Variants in CFAP20DC observed in about 807,000 individuals in gnomAD.
CFAP20DC encodes CFAP20 domain containing.
Under a neutral mutation model 101.7 loss-of-function variants are expected in CFAP20DC, and 84 were observed. The ratio of observed to expected loss-of-function variants is 0.83; its 90% CI spans 0.69 to 0.99. The LOEUF (loss-of-function observed/expected upper bound fraction) is 0.99, where lower values mean the gene tolerates loss of function less well. CFAP20DC is among the 50% of genes least tolerant of loss of function. CFAP20DC has a pLI of 0.00. For synonymous variants in CFAP20DC, 359 were observed against 351.2 expected, an observed-to-expected ratio of 1.02 and a Z score of -0.25; for missense variants, 1,007 against 970.3, an observed-to-expected ratio of 1.04 and a Z score of -0.50.
At chr3:58,907,446 G>C (rs1045165142) in intron 6 of CFAP20DC, among the ~76,000 whole-genome samples, 2 of 152,152 alleles carry the variant, frequency 1.3e-5, no homozygotes, top group Non-Finnish European at 2.9e-5. Context: ...GCATCATCCC[G>C]GGGTCTGGTG....
intron 4 of CFAP20DC, among the ~76,000 whole-genome samples, chr3:58,938,952 T>G (rs1416340643): frequency 6.6e-6 from 1 of 152,180 alleles, no homozygotes; most frequent in African/African-American, 2.4e-5. Context: ...AATGCAGAAG[T>G]ATTAACACTA....
At position 58,861,124 on chromosome 3, in the gene CFAP20DC, T is replaced by G. The variant is rs2079213334; in HGVS notation, c.1593+2434A>C. Reference sequence around the variant, plus strand: ...AAAGCTAATTTTAATTAGCTTTTACTGTTGTATGGGTACTTGTCTTCTATC... The same window carrying G: ...AAAGCTAATTTTAATTAGCTTTTACGGTTGTATGGGTACTTGTCTTCTATC... On this transcript the variant is annotated intron_variant, in intron 12 of 16. Coordinates refer to ENST00000482387, the MANE Select transcript of CFAP20DC (RefSeq NM_001394063.1). The surrounding 1 kb of genome is among the most constrained non-coding windows in gnomAD (Gnocchi z 4.0). The G allele has an allele frequency of 6.4e-6, 1 of 155,482 alleles. No individual in the cohort carries two copies. The highest frequency in any genetic ancestry group is 1.4e-5 in the Non-Finnish European group (1 of 70,990). 9.6% of individuals were successfully genotyped at this position (155,482 alleles called of 1,614,324 possible).
intron 13 of CFAP20DC, among the ~76,000 whole-genome samples, chr3:58,842,390 A>G (rs1233465858): frequency 1.3e-5 from 2 of 152,120 alleles, no homozygotes; most frequent in African/African-American, 4.8e-5. Context: ...TTCCGAGTCA[A>G]AGAAAGGGGT....
In CFAP20DC at chr3:58,962,116, G is replaced by A. The variant is rs143605874; in HGVS notation, c.279-24354C>T. ...GGGTGGAAACTTAGGTTATTGATTT[G>A]GGAATCTTTTTTCTTTCTTAACATA... On this transcript the variant is annotated intron_variant, in intron 4 of 16. Coordinates refer to ENST00000482387, the MANE Select transcript of CFAP20DC (RefSeq NM_001394063.1). Among the ~76,000 whole-genome samples, 444 of 152,086 alleles carry A rather than the reference G, an allele frequency of 2.9e-3. 5 individuals are homozygous for A. The highest frequency in any genetic ancestry group is 0.011 in the African/African-American group (437 of 41,484).
At chr3:58,981,489 G>T (rs970792891) in intron 4 of CFAP20DC, among the ~76,000 whole-genome samples, 3 of 152,160 alleles carry the variant, frequency 2.0e-5, no homozygotes, top group Non-Finnish European at 2.9e-5. Flanking sequence ...AAACAGCATG[G>T]TACTGGTACC....
At chr3:58,950,862 A>G (rs1181771402) in intron 4 of CFAP20DC, among the ~76,000 whole-genome samples, 4 of 152,202 alleles carry the variant, frequency 2.6e-5, no homozygotes, top group African/African-American at 9.7e-5. Context: ...CAAGGACTTC[A>G]TGTCTAAAAC....
chr3:58,759,151 C>G (rs1020183890), intron 15 of CFAP20DC, among the ~76,000 whole-genome samples: 25 of 152,112 alleles, frequency 1.6e-4, no homozygotes, highest in East Asian at 5.8e-4. Context: ...TACAGTCCCA[C>G]CAACAGTGTA....
At chr3:58,907,562 G>A (rs1186819385) in intron 6 of CFAP20DC, among the ~76,000 whole-genome samples, 1 of 152,178 alleles carries the variant, frequency 6.6e-6, no homozygotes, top group Non-Finnish European at 1.5e-5. Flanking sequence ...AGCAATCAAT[G>A]AGAAAGCAAA....
chr3:58,851,509 T>C (rs1466016137), intron 12 of CFAP20DC, among the ~76,000 whole-genome samples: 1 of 152,172 alleles, frequency 6.6e-6, no homozygotes, highest in Non-Finnish European at 1.5e-5. Flanking sequence ...TTGTGAAATG[T>C]AGTTGAGATT....
downstream of CFAP20DC, among the ~76,000 whole-genome samples, chr3:58,716,987 C>T (rs1209680721): frequency 6.6e-6 from 1 of 152,140 alleles, no homozygotes; most frequent in African/African-American, 2.4e-5. Context: ...GTACCCTACA[C>T]CACTGGACCC....
At chr3:58,953,509 A>C (rs1258080132) in intron 4 of CFAP20DC, 1 of 152,228 alleles carries the variant, frequency 6.6e-6, no homozygotes, top group Non-Finnish European at 1.5e-5. Flanking sequence ...GGCTTATGCT[A>C]CTGTCTTTGC....
chr3:58,765,490 C>CAAAAAAAAAAAAAAAAAAAAAAAAAAAA (rs1337049385), intron 15 of CFAP20DC, among the ~76,000 whole-genome samples: 8 of 81,824 alleles, frequency 9.8e-5, no homozygotes, highest in Non-Finnish European at 1.8e-4. Context: ...AAAAAAAAAC[C>CAAAAAAAAAAAAAAAAAAAAAAAAAAAA]AAAAAAAAAA....
intron 6 of CFAP20DC, among the ~76,000 whole-genome samples, chr3:58,895,213 T>C (rs568144655): frequency 6.6e-6 from 1 of 152,356 alleles, no homozygotes; most frequent in Non-Finnish European, 1.5e-5. Flanking sequence ...TGGCTTGAAT[T>C]TCTCCTCAGA....
intron 14 of CFAP20DC, among the ~76,000 whole-genome samples, chr3:58,822,600 G>C (rs891252354): frequency 6.6e-6 from 1 of 150,726 alleles, no homozygotes; most frequent in Non-Finnish European, 1.5e-5. Context: ...AAAAAAAAAA[G>C]ACTATACAGA....
chr3:58,949,826 CA>C (rs1285796241), intron 4 of CFAP20DC, among the ~76,000 whole-genome samples: 1 of 152,142 alleles, frequency 6.6e-6, no homozygotes, highest in Non-Finnish European at 1.5e-5. Flanking sequence ...ACTGAATGGG[CA>C]AAAACTGGAA....
intron 3 of CFAP20DC, among the ~76,000 whole-genome samples, chr3:59,040,347 T>C (rs543429577): frequency 6.6e-6 from 1 of 152,200 alleles, no homozygotes; most frequent in South Asian, 2.1e-4. Flanking sequence ...AAAAAATCAA[T>C]TGATTTTATA....
intron 15 of CFAP20DC, among the ~76,000 whole-genome samples, chr3:58,776,822 GA>G (rs896373493): frequency 6.6e-6 from 1 of 151,952 alleles, no homozygotes; most frequent in Admixed American, 6.6e-5. Flanking sequence ...GGCCTGGTTA[GA>G]AAAAAGGCAA....
At chr3:58,743,590 G>T (rs1319944941) in intron 16 of CFAP20DC, among the ~76,000 whole-genome samples, 1 of 152,208 alleles carries the variant, frequency 6.6e-6, no homozygotes, top group African/African-American at 2.4e-5. Context: ...ACCAGGGTGA[G>T]CTTCAGAAGA....
chr3:58,938,163 C>G (rs2087973571), intron 4 of CFAP20DC, among the ~76,000 whole-genome samples: 2 of 152,158 alleles, frequency 1.3e-5, no homozygotes, highest in Non-Finnish European at 1.5e-5. Flanking sequence ...GGGTTTCTTT[C>G]CCTAAAAATG....
Sources: gnomAD v4.1 joint callset for allele counts (sites outside exome capture counted in the v4.1 genomes callset) on GRCh38, gnomAD v4.1.1 for gene constraint, Gnocchi (gnomAD v3.1) non-coding constraint, MANE v1.5 for transcripts, NCBI Gene and HGNC (gene_info 2026-07-23, HGNC 2026-07-21) for gene names.